Variants in HS6ST2 observed in about 807,000 individuals in gnomAD.
HS6ST2 encodes heparan sulfate 6-O-sulfotransferase 2.
In HS6ST2, 17 loss-of-function variants were observed where a neutral mutation model predicts 33.0. That is an observed-to-expected ratio of 0.52 (90% confidence interval 0.35 to 0.77). HS6ST2 has a LOEUF of 0.77. HS6ST2 is among the 30% of genes least tolerant of loss of function. The probability of loss-of-function intolerance (pLI) is 0.01; values close to 1 mark genes in which losing one functional copy is unlikely to be tolerated. For missense variants in HS6ST2, 519 were observed against 551.7 expected (o/e 0.94, Z 0.59); for synonymous variants, 248 against 237.1 (o/e 1.05, Z -0.42).
intron 4 of HS6ST2, among the ~76,000 whole-genome samples, chrX:132,662,653 T>C (rs188339679): frequency 5.2e-4 from 58 of 112,161 alleles, no homozygotes; most frequent in African/African-American, 1.8e-3. Context: ...AAGTCATATA[T>C]GTTGGGTTGG....
At chrX:132,719,943 G>T (rs755985260) in intron 2 of HS6ST2, among the ~76,000 whole-genome samples, 1 of 112,481 alleles carries the variant, frequency 8.9e-6, no homozygotes, top group Non-Finnish European at 1.9e-5. Context: ...ACCTAAGGTT[G>T]CTGGGGCTGC....
chrX:132,708,395 C>G (rs1032160580), intron 3 of HS6ST2, 67 bp downstream of exon 3: 23 of 757,430 alleles, frequency 3.0e-5, no homozygotes, highest in Middle Eastern at 4.8e-4. Context: ...AACGGACAGG[C>G]AACTGCAGAG....
Position 132,626,179 on chromosome X carries a change from G to A in HS6ST2, c.*2044C>T, listed in dbSNP as rs1289765245. 1.8e-5 allele frequency: 2 copies of A among 112,336 alleles called. No individual in the cohort carries two copies. Among genetic ancestry groups the A allele is most frequent in the Non-Finnish European group, 3.8e-5 (2 of 53,181 alleles). The allele number at this position is 112,336 out of a possible 1,213,427, so 9.3% of individuals were successfully genotyped here. ...TAACATCCTCTATATACAATAATCA[G>A]TATAGACAGAGAAAATGCACTTAAT... On this transcript the variant is annotated 3_prime_UTR_variant, in exon 5 of 5. Transcript: ENST00000370833.
intron 2 of HS6ST2, among the ~76,000 whole-genome samples, chrX:132,882,997 G>A (rs1260425426): frequency 9.0e-6 from 1 of 111,336 alleles, no homozygotes; most frequent in East Asian, 2.8e-4. Context: ...TGGTGGATAA[G>A]CTTTTTGATG....
intron 2 of HS6ST2, among the ~76,000 whole-genome samples, chrX:132,882,416 G>C (rs1381569210): frequency 9.4e-6 from 1 of 105,989 alleles, no homozygotes; most frequent in Non-Finnish European, 1.9e-5. Flanking sequence ...TCATGATTTG[G>C]CTCTCTGTTT....
chrX:132,924,953 C>T (rs914810903), intron 2 of HS6ST2, among the ~76,000 whole-genome samples: 5 of 111,128 alleles, frequency 4.5e-5, no homozygotes, highest in African/African-American at 1.3e-4. Flanking sequence ...TGAGACCGTG[C>T]GCCTGTGGTC....
At chrX:132,880,859 T>C (rs1006079879) in intron 2 of HS6ST2, among the ~76,000 whole-genome samples, 1 of 105,170 alleles carries the variant, frequency 9.5e-6, no homozygotes, top group African/African-American at 3.4e-5. Context: ...TTCCCACCTA[T>C]GAGTGAGAAC....
chrX:132,763,576 T>C (rs1218603094), intron 2 of HS6ST2, among the ~76,000 whole-genome samples: 4 of 112,244 alleles, frequency 3.6e-5, no homozygotes, highest in Non-Finnish European at 7.5e-5. Context: ...GCTTTTAAGA[T>C]GGCCTTGTCA....
At chrX:132,683,674 C>G (rs756937226) in intron 3 of HS6ST2, among the ~76,000 whole-genome samples, 5 of 111,272 alleles carry the variant, frequency 4.5e-5, no homozygotes, top group Non-Finnish European at 9.4e-5. Flanking sequence ...TGGGGGCATA[C>G]AGAAATTATA....
intron 2 of HS6ST2, among the ~76,000 whole-genome samples, chrX:132,837,157 T>G (rs1329469774): frequency 8.9e-6 from 1 of 112,084 alleles, no homozygotes; most frequent in East Asian, 2.8e-4. Context: ...TTGTTACTGC[T>G]TCAATTTCTT....
intron 2 of HS6ST2, among the ~76,000 whole-genome samples, chrX:132,759,158 T>G (rs1411418576): frequency 8.9e-6 from 1 of 111,900 alleles, no homozygotes; most frequent in African/African-American, 3.2e-5. Flanking sequence ...TTCCTAGGCT[T>G]TACCATCATT....
At chrX:132,821,210 CTTT>C (rs397895430) in intron 2 of HS6ST2, among the ~76,000 whole-genome samples, 1 of 77,049 alleles carries the variant, frequency 1.3e-5, no homozygotes, top group Admixed American at 1.5e-4. Context: ...CATTCCCATT[CTTT>C]TTTTTTTTTT....
chrX:132,894,133 T>G (rs1449408255), intron 2 of HS6ST2, among the ~76,000 whole-genome samples: 1 of 107,607 alleles, frequency 9.3e-6, no homozygotes, highest in African/African-American at 3.4e-5. Flanking sequence ...GTTTTTTTTT[T>G]TTTTGTGGGG....
At chrX:132,706,017 AC>A (rs1449916109) in intron 3 of HS6ST2, among the ~76,000 whole-genome samples, 14 of 111,258 alleles carry the variant, frequency 1.3e-4, no homozygotes, top group Non-Finnish European at 1.9e-5. Flanking sequence ...TGATTCCCAA[AC>A]AACCAGTTAT....
chrX:132,824,815 G>A (rs1569494818), intron 2 of HS6ST2, among the ~76,000 whole-genome samples: 1 of 112,154 alleles, frequency 8.9e-6, no homozygotes, highest in Non-Finnish European at 1.9e-5. Flanking sequence ...ATTCAGCAGG[G>A]TCAACATTTT....
At chrX:132,956,256 G>T (rs1239213408) in intron 2 of HS6ST2, among the ~76,000 whole-genome samples, 1 of 108,449 alleles carries the variant, frequency 9.2e-6, no homozygotes, top group Non-Finnish European at 1.9e-5. Context: ...GAGGGGAATG[G>T]AAAGAAGGAA....
chrX:132,769,472 A>G (rs1165153224), intron 2 of HS6ST2, among the ~76,000 whole-genome samples: 1 of 112,125 alleles, frequency 8.9e-6, no homozygotes, highest in Non-Finnish European at 1.9e-5. Flanking sequence ...ACAGGAAAGC[A>G]GCTCAGGGGG....
At chrX:132,907,856 T>G (rs1279223721) in intron 2 of HS6ST2, among the ~76,000 whole-genome samples, 1 of 112,193 alleles carries the variant, frequency 8.9e-6, no homozygotes, top group Non-Finnish European at 1.9e-5. Context: ...TTCATGTCCT[T>G]GGATAGGCAA....
chrX:132,704,802 G>A (rs1053482798), intron 3 of HS6ST2, among the ~76,000 whole-genome samples: 2 of 111,872 alleles, frequency 1.8e-5, no homozygotes, highest in Non-Finnish European at 3.8e-5. Context: ...TGCTAACTTA[G>A]ACCACTGTTA....
Sources: gnomAD v4.1 joint callset for allele counts (sites outside exome capture counted in the v4.1 genomes callset) on GRCh38, gnomAD v4.1.1 for gene constraint, MANE v1.5 for transcripts, NCBI Gene and HGNC (gene_info 2026-07-23, HGNC 2026-07-21) for gene names.